Variants in DACH1 observed in about 807,000 individuals in gnomAD.
DACH1 encodes dachshund family transcription factor 1, also known as dachshund homolog 1.
Under a neutral mutation model 54.2 loss-of-function variants are expected in DACH1, and 12 were observed. That is an observed-to-expected ratio of 0.22 (90% CI 0.14 to 0.36). DACH1 has a LOEUF of 0.36. DACH1 is among the 10% of genes least tolerant of loss of function. DACH1 has a pLI of 1.00. For synonymous variants in DACH1, 386 were observed against 366.2 expected, an observed-to-expected ratio of 1.05 and a Z score of -0.62; for missense variants, 805 against 929.8, an observed-to-expected ratio of 0.87 and a Z score of 1.75.
At position 71,735,294 on chromosome 13, in the gene DACH1, C is replaced by T. The variant is rs532135047; in HGVS notation, c.849-53384G>A. ...TACACGTATGTATATGGGATATACA[C>T]GTATACGGGATATACGTGTATATGG... On this transcript the variant is annotated intron_variant, in intron 1 of 10. Coordinates refer to ENST00000613252, the MANE Select transcript of DACH1 (RefSeq NM_080759.6). Among the ~76,000 whole-genome samples the T allele has an allele frequency of 1.6e-4, 10 of 63,930 alleles. 1 individual carries two copies. The highest frequency in any genetic ancestry group is 3.3e-4 in the Admixed American group (2 of 6,080). 41.9% of individuals were successfully genotyped at this position (63,930 alleles called of 152,430 possible).
chr13:71,807,419 C>CAAAAAAAAA (rs10688170), intron 1 of DACH1, among the ~76,000 whole-genome samples: 1 of 99,678 alleles, frequency 1.0e-5, no homozygotes, highest in Non-Finnish European at 1.9e-5. Context: ...TCACAGATTG[C>CAAAAAAAAA]AAAAAAAAAA....
chr13:71,775,560 G>C (rs1886031864), intron 1 of DACH1, among the ~76,000 whole-genome samples: 1 of 151,898 alleles, frequency 6.6e-6, no homozygotes, highest in African/African-American at 2.4e-5. Flanking sequence ...TTCACACAAA[G>C]ATATATACAT....
rs114623775 is a variant in DACH1, at chr13:71,757,079, G to T, written c.849-75169C>A. ...AAGTCCTAATAAAAATGTAACACAC[G>T]TTTGAAGATTTTTGAAAGGGCTTAT... On this transcript the variant is annotated intron_variant, in intron 1 of 10. Transcript: ENST00000613252. Among the ~76,000 whole-genome samples, 1,095 of 152,252 alleles carry T rather than the reference G, an allele frequency of 7.2e-3. 12 individuals are homozygous for T. Among genetic ancestry groups the T allele is most frequent in the African/African-American group, 0.025 (1,022 of 41,550 alleles).
intron 3 of DACH1, among the ~76,000 whole-genome samples, chr13:71,619,074 C>G (rs1164928845): frequency 6.6e-6 from 1 of 151,178 alleles, no homozygotes; most frequent in African/African-American, 2.4e-5. Context: ...ACATTTTATG[C>G]ACTAAAAATA....
chr13:71,858,872 TCTCTCTCTGC>T (rs1215471445), intron 1 of DACH1, among the ~76,000 whole-genome samples: 137 of 151,770 alleles, frequency 9.0e-4, no homozygotes, highest in African/African-American at 3.1e-3. Context: ...TTAAGCACTC[TCTCTCTCTGC>T]CTCTCTCTGC....
intron 1 of DACH1, among the ~76,000 whole-genome samples, chr13:71,711,040 T>C (rs1327272710): frequency 6.6e-6 from 1 of 152,122 alleles, no homozygotes; most frequent in East Asian, 1.9e-4. Context: ...ATGGAAGAAA[T>C]GGTTCTAAGT....
intron 6 of DACH1, among the ~76,000 whole-genome samples, chr13:71,514,006 C>T (rs1880975795): frequency 6.6e-6 from 1 of 151,968 alleles, no homozygotes; most frequent in Non-Finnish European, 1.5e-5. Flanking sequence ...AAGGCAGCTC[C>T]TGAAAATGGT....
intron 6 of DACH1, among the ~76,000 whole-genome samples, chr13:71,489,362 G>T (rs1342351774): frequency 6.6e-6 from 1 of 152,102 alleles, no homozygotes; most frequent in Non-Finnish European, 1.5e-5. Context: ...CCTTTTAAAT[G>T]CAGTCTCTAA....
At chr13:71,501,022 G>T (rs1879870030) in intron 6 of DACH1, among the ~76,000 whole-genome samples, 2 of 152,020 alleles carry the variant, frequency 1.3e-5, no homozygotes, top group African/African-American at 4.8e-5. Flanking sequence ...AACTGAAATT[G>T]TCAATCAAAG....
intron 1 of DACH1, among the ~76,000 whole-genome samples, chr13:71,766,152 C>T (rs1323523905): frequency 1.3e-5 from 2 of 152,176 alleles, no homozygotes; most frequent in Non-Finnish European, 1.5e-5. Flanking sequence ...TCCCAAAGTG[C>T]TGGGATTACA....
At chr13:71,452,060 A>G (rs1162911215) in intron 10 of DACH1, among the ~76,000 whole-genome samples, 2 of 152,184 alleles carry the variant, frequency 1.3e-5, no homozygotes, top group Non-Finnish European at 2.9e-5. Flanking sequence ...TTGGTAAAGA[A>G]TACATGATAG....
rs544352733 is a variant in DACH1, at chr13:71,553,443, T to G, written c.1570+3581A>C. Among the ~76,000 whole-genome samples the G allele has an allele frequency of 5.8e-4, 57 of 98,028 alleles. 19 individuals carry two copies. In the South Asian group the frequency reaches 0.021, roughly 36 times the overall value. The allele number at this position is 98,028 out of a possible 152,430, so 64.3% of individuals were successfully genotyped here. A position where few individuals can be genotyped will look rare whatever the true frequency, so the allele number is the denominator to read the frequency against. On this transcript the variant is annotated intron_variant, in intron 6 of 10. Transcript: ENST00000613252. ...TCCATATATGTATATTAGACATATA[T>G]CCATATATATATACATATATACATA...
chr13:71,479,340 T>C lies in DACH1; in HGVS notation c.1723-24A>G, dbSNP rs371694022. On this transcript the variant is annotated intron_variant, in intron 7 of 10. Transcript: ENST00000613252. ...CCCTGTACAAAGAAGATATTCGGAA[T>C]GGTAATATTTTAATACAAAGCAAAT... 1.6e-4 allele frequency: 258 copies of C among 1,594,726 alleles called. 4 individuals carry two copies. Among genetic ancestry groups the C allele is most frequent in the Non-Finnish European group, 4.9e-5 (58 of 1,174,576 alleles).
intron 1 of DACH1, among the ~76,000 whole-genome samples, chr13:71,805,136 C>A (rs1227428114): frequency 1.3e-5 from 2 of 152,138 alleles, no homozygotes; most frequent in Non-Finnish European, 2.9e-5. Flanking sequence ...TTTTTAATTT[C>A]AGAGAAAGTT....
At chr13:71,837,237 C>T (rs747814228) in intron 1 of DACH1, among the ~76,000 whole-genome samples, 20 of 152,032 alleles carry the variant, frequency 1.3e-4, no homozygotes, top group South Asian at 2.1e-4. Context: ...TAGTTTTACA[C>T]GTATGATAAT....
chr13:71,580,783 C>T (rs779387385), intron 3 of DACH1, among the ~76,000 whole-genome samples: 8 of 152,074 alleles, frequency 5.3e-5, no homozygotes, highest in Non-Finnish European at 1.2e-4. Context: ...TCCACTTTAT[C>T]TGCTCATCTC....
intron 1 of DACH1, among the ~76,000 whole-genome samples, chr13:71,736,165 A>G (rs1884108288): frequency 6.6e-6 from 1 of 152,208 alleles, no homozygotes; most frequent in African/African-American, 2.4e-5. Context: ...CTATGAAAAT[A>G]GCTTTTGTTC....
At chr13:71,463,545 G>C (rs1876289502) in intron 10 of DACH1, among the ~76,000 whole-genome samples, 1 of 151,904 alleles carries the variant, frequency 6.6e-6, no homozygotes, top group African/African-American at 2.4e-5. Context: ...CTGTCACGTA[G>C]GAAGCAAGGC....
At chr13:71,588,460 T>C (rs1873438913) in intron 3 of DACH1, among the ~76,000 whole-genome samples, 1 of 152,260 alleles carries the variant, frequency 6.6e-6, no homozygotes, top group Non-Finnish European at 1.5e-5. Context: ...GTTATTATCT[T>C]GAATACAAAA....
Sources: gnomAD v4.1 joint callset for allele counts (sites outside exome capture counted in the v4.1 genomes callset) on GRCh38, gnomAD v4.1.1 for gene constraint, MANE v1.5 for transcripts, NCBI Gene and HGNC (gene_info 2026-07-23, HGNC 2026-07-21) for gene names.